The following IL1RAPL1 variants were observed in gnomAD, a reference collection of about 807,000 sequenced individuals.
IL1RAPL1 encodes the protein interleukin 1 receptor accessory protein like 1.
IL1RAPL1 carries 3 observed loss-of-function variants against 48.4 expected under a neutral mutation model. That is an observed-to-expected ratio of 0.06 (90% CI 0.03 to 0.16). IL1RAPL1 has a LOEUF of 0.16. Among genes scored for constraint, IL1RAPL1 ranks in the 10% least tolerant of loss-of-function variants. The pLI, the probability that IL1RAPL1 is intolerant of heterozygous loss-of-function variation, is 1.00. For missense variants in IL1RAPL1, 349 were observed against 530.6 expected, an observed-to-expected ratio of 0.66 and a Z score of 3.36; for synonymous variants, 185 against 187.7, an observed-to-expected ratio of 0.99 and a Z score of 0.12.
chrX:29,272,988 T>C (rs915390022), intron 2 of IL1RAPL1, among the ~76,000 whole-genome samples: 5 of 112,053 alleles, frequency 4.5e-5, no homozygotes, highest in Non-Finnish European at 7.5e-5. Flanking sequence ...ATCTGATCAG[T>C]TTGGTTCTTT....
At chrX:28,618,005 G>C (rs913075214) in intron 1 of IL1RAPL1, among the ~76,000 whole-genome samples, 38 of 111,882 alleles carry the variant, frequency 3.4e-4, no homozygotes, top group African/African-American at 1.0e-3. Context: ...AGAATGGTTT[G>C]TGTCATCCTC....
At chrX:29,290,973 A>G (rs1932360992) in intron 3 of IL1RAPL1, among the ~76,000 whole-genome samples, 1 of 111,870 alleles carries the variant, frequency 8.9e-6, no homozygotes, top group Non-Finnish European at 1.9e-5. Context: ...CTAAGAGTCA[A>G]CCTTTGACCC....
chrX:29,038,424 G>A (rs1290044136), intron 2 of IL1RAPL1, among the ~76,000 whole-genome samples: 2 of 111,726 alleles, frequency 1.8e-5, no homozygotes, highest in African/African-American at 6.5e-5. Flanking sequence ...GCTACAAATA[G>A]TAATAGAACA....
At chrX:29,915,695 A>C in intron 6 of IL1RAPL1, among the ~76,000 whole-genome samples, 1 of 100,060 alleles carries the variant, frequency 1.0e-5, no homozygotes, top group African/African-American at 3.7e-5. Context: ...CAGAGTTCTC[A>C]GGGCCCTCTG....
chrX:28,771,267 T>C (rs560116926), intron 1 of IL1RAPL1, among the ~76,000 whole-genome samples: 80 of 112,049 alleles, frequency 7.1e-4, no homozygotes, highest in African/African-American at 2.6e-3. Context: ...CTTTTCATTA[T>C]GACTGCTTTT....
chrX:29,954,129 G>A (rs1433837963), intron 9 of IL1RAPL1, among the ~76,000 whole-genome samples: 2 of 106,299 alleles, frequency 1.9e-5, no homozygotes, highest in East Asian at 5.9e-4. Flanking sequence ...CCAGCTACTC[G>A]GGAGGTTGAG....
intron 1 of IL1RAPL1, among the ~76,000 whole-genome samples, chrX:28,637,400 T>C (rs995507316): frequency 2.7e-5 from 3 of 111,823 alleles, no homozygotes; most frequent in Non-Finnish European, 5.6e-5. Flanking sequence ...TTCAATTTAG[T>C]ATTTATCACT....
At chrX:28,975,069 T>C (rs1448910914) in intron 2 of IL1RAPL1, among the ~76,000 whole-genome samples, 1 of 112,161 alleles carries the variant, frequency 8.9e-6, no homozygotes. Flanking sequence ...AATTATTATG[T>C]CCCTACTCCT....
rs77812538 is a variant in IL1RAPL1 at position 29,803,648 on chromosome X, C to T, written c.779-113816C>T. On this transcript the variant is annotated intron_variant, in intron 6 of 10. Transcript: ENST00000378993. ...GTATATATGTGTATATATATACACG[C>T]GTGTATATATATACACACACACAAT... 0.01 allele frequency among the ~76,000 whole-genome samples: 1,063 copies of T among 101,465 alleles called. 45 individuals are homozygous for T. In the East Asian group the frequency reaches 0.17, roughly 16 times the overall value. The allele number at this position is 101,465 out of a possible 115,157, so 88.1% of individuals were successfully genotyped here. A position where few individuals can be genotyped will look rare whatever the true frequency, so the allele number is the denominator to read the frequency against.
At chrX:29,128,538 C>A (rs1482903382) in intron 2 of IL1RAPL1, among the ~76,000 whole-genome samples, 1 of 111,728 alleles carries the variant, frequency 9.0e-6, no homozygotes, top group African/African-American at 3.3e-5. Context: ...TTAATATTAT[C>A]TTTTCAGAGA....
chrX:28,753,544 C>T (rs926324488), intron 1 of IL1RAPL1, among the ~76,000 whole-genome samples: 3 of 112,191 alleles, frequency 2.7e-5, no homozygotes, highest in Non-Finnish European at 5.6e-5. Flanking sequence ...AATAATGCAT[C>T]GTATAATCTT....
chrX:29,035,715 T>C (rs1380451030), intron 2 of IL1RAPL1, among the ~76,000 whole-genome samples: 3 of 111,315 alleles, frequency 2.7e-5, no homozygotes, highest in African/African-American at 9.8e-5. Flanking sequence ...TAATATAGCA[T>C]TGGAGTGAAA....
chrX:28,802,733 G>GA (rs1936690046), intron 2 of IL1RAPL1, among the ~76,000 whole-genome samples: 2 of 111,599 alleles, frequency 1.8e-5, no homozygotes, highest in South Asian at 7.3e-4. Flanking sequence ...TGTCATATCA[G>GA]AAAAAATGCA....
intron 2 of IL1RAPL1, among the ~76,000 whole-genome samples, chrX:29,072,554 GAGAA>G (rs1927587439): frequency 9.0e-6 from 1 of 111,516 alleles, no homozygotes; most frequent in African/African-American, 3.3e-5. Flanking sequence ...CTGGGGCATG[GAGAA>G]ATGGCTTTCA....
At chrX:29,587,431 TAGATAGGAAG>T (rs1164917646) in intron 5 of IL1RAPL1, among the ~76,000 whole-genome samples, 1 of 110,243 alleles carries the variant, frequency 9.1e-6, no homozygotes, top group Non-Finnish European at 1.9e-5. Flanking sequence ...AAATTTCAAT[TAGATAGGAAG>T]AGTAAGTTTA....
chrX:29,915,839 G>A (rs1333890025), intron 6 of IL1RAPL1, among the ~76,000 whole-genome samples: 3 of 84,971 alleles, frequency 3.5e-5, no homozygotes, highest in Non-Finnish European at 4.5e-5. Flanking sequence ...ATGCTGGTGC[G>A]CTGCACCCAC....
At position 28,588,796 on chromosome X, in the gene IL1RAPL1, C is replaced by T. The variant is rs188259914; in HGVS notation, c.-25+749C>T. ...GTGCTTTCTTTCTCAAGTTCAATTG[C>T]CCAATAATATAATTATTTACCCAAT... On this transcript the variant is annotated intron_variant, in intron 1 of 10. Coordinates refer to ENST00000378993, the MANE Select transcript of IL1RAPL1 (RefSeq NM_014271.4). 5.3e-5 allele frequency among the ~76,000 whole-genome samples: 6 copies of T among 112,232 alleles called. No individual in the cohort carries two copies. In the Admixed American group the frequency reaches 5.7e-4, roughly 11 times the overall value.
chrX:28,745,968 T>G (rs1799139957), intron 1 of IL1RAPL1, among the ~76,000 whole-genome samples: 1 of 111,740 alleles, frequency 8.9e-6, no homozygotes. Flanking sequence ...GAAAAATAAC[T>G]TTTTAAAAAT....
intron 1 of IL1RAPL1, among the ~76,000 whole-genome samples, chrX:28,639,504 C>T (rs1934508710): frequency 8.9e-6 from 1 of 111,811 alleles, no homozygotes; most frequent in South Asian, 3.7e-4. Flanking sequence ...GCTGCTCAGT[C>T]ACATTTGTTC....
Sources: allele counts gnomAD v4.1 joint callset (sites outside exome capture counted in the v4.1 genomes callset), GRCh38; gene constraint gnomAD v4.1.1; transcripts MANE v1.5; gene names NCBI Gene and HGNC (gene_info 2026-07-23, HGNC 2026-07-21).